The following QSOX1 variants were observed in gnomAD, a reference collection of about 807,000 sequenced individuals.
The protein encoded by QSOX1 is quiescin sulfhydryl oxidase 1.
QSOX1 carries 40 observed loss-of-function variants against 76.1 expected under a neutral mutation model. The observed-to-expected ratio is 0.53, with a 90% CI of 0.41 to 0.68. The LOEUF is 0.68. Ranked by LOEUF, QSOX1 falls within the 30% of genes least tolerant of loss-of-function variation. The pLI, the probability that QSOX1 is intolerant of heterozygous loss-of-function variation, is 0.00. For missense variants in QSOX1, 931 were observed against 974.3 expected (o/e 0.96, Z 0.59); for synonymous variants, 392 against 413.1 (o/e 0.95, Z 0.62).
chr1:180,186,229 T>A, intron 8 of QSOX1, 47 bp downstream of exon 8: 1 of 1,551,896 alleles, frequency 6.4e-7, no homozygotes, highest in Non-Finnish European at 8.7e-7. Flanking sequence ...CTACGGATGG[T>A]CAGTGTGCGT....
intron 1 of QSOX1, among the ~76,000 whole-genome samples, chr1:180,158,684 G>A (rs574278419): frequency 7.9e-5 from 12 of 152,188 alleles, no homozygotes; most frequent in Admixed American, 3.9e-4. Context: ...GAATTCTTCG[G>A]TGTAGAGTCC....
At chr1:180,175,431 T>A in intron 3 of QSOX1, 65 bp downstream of exon 3, 1 of 1,554,504 alleles carries the variant, frequency 6.4e-7, no homozygotes, top group Non-Finnish European at 8.9e-7. Context: ...TTCACCTGGG[T>A]TTCTATTGGG....
rs1485600984 is a variant in QSOX1, at chr1:180,189,561, G to T, written c.1027G>T (p.Gly343Cys). ...TTGTTCCTCCCCACAGTATTTCCCT[G>T]GCCGGCCCTTAGTCCAGAACTTCCT... ...FVAVLAKYFP[G>C]RPLVQNFLHS... is the part of the protein sequence containing the mutation. The change falls in exon 9 of 12, where the codon GGC (glycine) becomes TGC (cysteine). Residue 343 changes from glycine (G) to cysteine (C), a missense_variant. By Grantham distance (159) the Gly-to-Cys change is radical. Coordinates refer to ENST00000367602, the MANE Select transcript of QSOX1 (RefSeq NM_002826.5). The T allele has an allele frequency of 1.9e-6, 3 of 1,611,078 alleles. No individual in the cohort carries two copies. Among genetic ancestry groups the T allele is most frequent in the Non-Finnish European group, 2.5e-6 (3 of 1,178,556 alleles).
In QSOX1 at chr1:180,200,989, C is replaced by T. The variant is rs562693128; in HGVS notation, c.*3952C>T. 1 of 152,322 alleles carries T rather than the reference C, an allele frequency of 6.6e-6. No homozygotes were observed. Among genetic ancestry groups the T allele is most frequent in the East Asian group, 1.9e-4 (1 of 5,176 alleles). 9.4% of individuals were successfully genotyped at this position (152,322 alleles called of 1,614,324 possible). On this transcript the variant is annotated 3_prime_UTR_variant, in exon 12 of 12. Transcript: ENST00000367602. ...TCCGCCTTTTCTAGAGCTCTCGCTC[C>T]ATTCCCTACATCGAGGCTGAAGTGC...
chr1:180,195,650 T>C (rs1663457649), intron 11 of QSOX1, among the ~76,000 whole-genome samples: 1 of 151,970 alleles, frequency 6.6e-6, no homozygotes, highest in Non-Finnish European at 1.5e-5. Flanking sequence ...ATCCTGACTC[T>C]TCCAAGTACC....
intron 1 of QSOX1, among the ~76,000 whole-genome samples, chr1:180,161,004 G>T (rs1662482109): frequency 6.6e-6 from 1 of 152,058 alleles, no homozygotes; most frequent in South Asian, 2.1e-4. Flanking sequence ...TCTAATAACA[G>T]ATGTACTATA....
chr1:180,197,512 T>C lies in QSOX1; in HGVS notation c.*475T>C. On this transcript the variant is annotated 3_prime_UTR_variant, in exon 12 of 12. Transcript: ENST00000367602. Reference sequence around the variant, plus strand: ...CTCCCTTCCGGACAATGAAGAAGCCTTTGCACCCTGGGAGGAAGGACCACC... The same window carrying C: ...CTCCCTTCCGGACAATGAAGAAGCCCTTGCACCCTGGGAGGAAGGACCACC... 9.3e-7 allele frequency: 1 copy of C among 1,071,852 alleles called. No homozygotes were observed. Among genetic ancestry groups the C allele is most frequent in the Non-Finnish European group, 1.4e-6 (1 of 737,502 alleles). The allele number at this position is 1,071,852 out of a possible 1,614,324, so 66.4% of individuals were successfully genotyped here.
intron 4 of QSOX1, among the ~76,000 whole-genome samples, chr1:180,176,447 A>T (rs950648068): frequency 6.6e-5 from 10 of 152,202 alleles, no homozygotes; most frequent in African/African-American, 2.4e-4. Context: ...ATGAGGAGGA[A>T]AAAGGAGATC....
chr1:180,181,639 A>G (rs1045305658), intron 5 of QSOX1, among the ~76,000 whole-genome samples: 1 of 152,218 alleles, frequency 6.6e-6, no homozygotes, highest in African/African-American at 2.4e-5. Context: ...TCAAGCTTCC[A>G]TAAGGAAGAC....
At chr1:180,155,867 A>G (rs1239502001) in intron 1 of QSOX1, among the ~76,000 whole-genome samples, 2 of 152,138 alleles carry the variant, frequency 1.3e-5, no homozygotes, top group African/African-American at 4.8e-5. Context: ...CCATGCACCC[A>G]GAGGCCTTTG....
At chr1:180,163,236 T>C (rs1662535395) in intron 1 of QSOX1, among the ~76,000 whole-genome samples, 1 of 152,206 alleles carries the variant, frequency 6.6e-6, no homozygotes, top group African/African-American at 2.4e-5. Flanking sequence ...TCCTGTACTG[T>C]TCCTCTTTCT....
At chr1:180,167,369 C>A (rs6690609) in intron 2 of QSOX1, among the ~76,000 whole-genome samples, 1 of 152,112 alleles carries the variant, frequency 6.6e-6, no homozygotes, top group Non-Finnish European at 1.5e-5. Flanking sequence ...ATCTAGAAAA[C>A]CAGTTTCTTC....
At chr1:180,176,737 C>G (rs144540590) in intron 4 of QSOX1, among the ~76,000 whole-genome samples, 4 of 152,214 alleles carry the variant, frequency 2.6e-5, no homozygotes, top group African/African-American at 9.7e-5. Context: ...ATGCCCACCT[C>G]GGAGGACTCT....
At position 180,197,965 on chromosome 1, in the gene QSOX1, C is replaced by T. The variant is rs1663543824; in HGVS notation, c.*928C>T. On this transcript the variant is annotated 3_prime_UTR_variant, in exon 12 of 12. Coordinates refer to ENST00000367602, the MANE Select transcript of QSOX1 (RefSeq NM_002826.5). Reference sequence around the variant, plus strand: ...AGGGTCTGGCGGGGGCAGTGCCTTACACATGCTTGATTCCCACGCTACCCC... The same window carrying T: ...AGGGTCTGGCGGGGGCAGTGCCTTATACATGCTTGATTCCCACGCTACCCC... The T allele has an allele frequency of 2.8e-6, 1 of 355,526 alleles. No homozygotes were observed. Among genetic ancestry groups the T allele is most frequent in the South Asian group, 2.1e-5 (1 of 48,594 alleles). 22.0% of individuals were successfully genotyped at this position (355,526 alleles called of 1,614,324 possible). A position where few individuals can be genotyped will look rare whatever the true frequency, so the allele number is the denominator to read the frequency against.
Position 180,182,289 on chromosome 1 carries a change from T to C in QSOX1, c.722T>C (p.Phe241Ser), listed in dbSNP as rs780215770. The C allele has an allele frequency of 6.2e-7, 1 of 1,614,264 alleles. No homozygotes were observed. The highest frequency in any genetic ancestry group is 2.2e-5 in the East Asian group (1 of 44,892). Residue 241 changes from phenylalanine (F) to serine (S), a missense_variant, in exon 6 of 12, where the codon TTC (phenylalanine) becomes TCC (serine). By Grantham distance (155) the Phe-to-Ser change is radical. Transcript: ENST00000367602. Reference sequence around the variant, plus strand: ...GACTTCCCCTCTTGCTACCTGCTGTTCCGGAATGGCTCTGTCTCCCGAGTC... The same window carrying C: ...GACTTCCCCTCTTGCTACCTGCTGTCCCGGAATGGCTCTGTCTCCCGAGTC... ...VTDFPSCYLL[F>S]RNGSVSRVPV...
At chr1:180,168,318 AG>A (rs1040537493) in intron 2 of QSOX1, among the ~76,000 whole-genome samples, 1 of 152,256 alleles carries the variant, frequency 6.6e-6, no homozygotes, top group African/African-American at 2.4e-5. Flanking sequence ...CCCTGCCTCC[AG>A]ACGGGCAGCA....
intron 1 of QSOX1, among the ~76,000 whole-genome samples, chr1:180,161,943 C>A (rs1662502157): frequency 6.6e-6 from 1 of 152,104 alleles, no homozygotes; most frequent in African/African-American, 2.4e-5. Flanking sequence ...GAAGATGAAG[C>A]ACTTCAGGAT....
chr1:180,194,996 C>G (rs79912731), intron 11 of QSOX1, among the ~76,000 whole-genome samples: 16,432 of 134,858 alleles, frequency 0.12, 1,448 homozygotes, highest in East Asian at 0.25. Flanking sequence ...GACAGCCTCC[C>G]GGGGGGGGGA....
Position 180,198,397 on chromosome 1 carries a change from C to T in QSOX1, c.*1360C>T, listed in dbSNP as rs185261470. The T allele has an allele frequency of 6.3e-4, 286 of 456,690 alleles. 1 individual carries two copies. The highest frequency in any genetic ancestry group is 5.5e-3 in the African/African-American group (274 of 50,190). The allele number at this position is 456,690 out of a possible 1,614,324, so 28.3% of individuals were successfully genotyped here. On this transcript the variant is annotated 3_prime_UTR_variant, in exon 12 of 12. Coordinates refer to ENST00000367602, the MANE Select transcript of QSOX1 (RefSeq NM_002826.5). ...GGTTGGCCACTCGGTGGGGAGGAGT[C>T]AGCCAGGATTAGAGAGCCTGCCCCT...
Sources: allele counts gnomAD v4.1 joint callset (sites outside exome capture counted in the v4.1 genomes callset), GRCh38; gene constraint gnomAD v4.1.1; transcripts MANE v1.5; gene names NCBI Gene and HGNC (gene_info 2026-07-23, HGNC 2026-07-21).